ARHGAP40: variants seen among roughly 807,000 people sequenced by gnomAD.
ARHGAP40 encodes the protein rho GTPase-activating protein 40.
A neutral mutation model predicts 73.5 loss-of-function variants in ARHGAP40; 43 were observed. That is an observed-to-expected ratio of 0.58 (90% CI 0.46 to 0.75). ARHGAP40 has a LOEUF of 0.75. Ranked by LOEUF, ARHGAP40 falls within the 30% of genes least tolerant of loss-of-function variation. The pLI is 0.00. For missense variants in ARHGAP40, 734 were observed against 861.8 expected (o/e 0.85, Z 1.86); for synonymous variants, 300 against 352.8 (o/e 0.85, Z 1.68).
chr20:38,604,478 C>G (rs1162993982), intron 1 of ARHGAP40, among the ~76,000 whole-genome samples: 3 of 151,652 alleles, frequency 2.0e-5, no homozygotes, highest in African/African-American at 7.3e-5. Context: ...TCACTGCAAC[C>G]TCCGCCTCCC....
exon 2 of ARHGAP40, chr20:38,623,395 C>A: frequency 7.7e-7 from 1 of 1,290,830 alleles, no homozygotes; most frequent in Non-Finnish European, 1.0e-6. Context: ...ATCAGCTTCC[C>A]CAGAAGAATC....
chr20:38,635,317 G>A (rs888410032), intron 6 of ARHGAP40, among the ~76,000 whole-genome samples: 5 of 152,150 alleles, frequency 3.3e-5, no homozygotes, highest in African/African-American at 1.2e-4. Flanking sequence ...AGCACTTTTA[G>A]TGTATTATCT....
rs775550813 is a variant in ARHGAP40, at chr20:38,639,224, T to A, written c.1120-3T>A. ...TGTGTTTTCATGCCCCGCCTTCCTG[T>A]AGGGGCTGGAACAGAAACTGGAGAG... is the stretch of plus-strand genomic sequence containing the variant. On this transcript the variant is annotated splice_polypyrimidine_tract_variant and splice_region_variant and intron_variant, in intron 8 of 14. Transcript: ENST00000373345. 7.7e-7 allele frequency: 1 copy of A among 1,305,258 alleles called. No individual in the cohort carries two copies. Among genetic ancestry groups the A allele is most frequent in the Non-Finnish European group, 1.0e-6 (1 of 988,784 alleles). The allele number at this position is 1,305,258 out of a possible 1,614,324, so 80.9% of individuals were successfully genotyped here. A position where few individuals can be genotyped will look rare whatever the true frequency, so the allele number is the denominator to read the frequency against.
At chr20:38,634,566 A>C (rs745840271) in intron 5 of ARHGAP40, 54 bp from the exon 6 acceptor site, 14 of 1,296,800 alleles carry the variant, frequency 1.1e-5, no homozygotes, top group African/African-American at 1.5e-5. Context: ...GCCCCAAAAT[A>C]CACATCAGAC....
Position 38,641,716 on chromosome 20 carries a change from C to T in ARHGAP40, c.1280-10C>T, listed in dbSNP as rs1287502857. 1.5e-6 allele frequency: 2 copies of T among 1,295,560 alleles called. No homozygotes were observed. Among genetic ancestry groups the T allele is most frequent in the East Asian group, 5.9e-5 (1 of 16,942 alleles). 80.3% of individuals were successfully genotyped at this position (1,295,560 alleles called of 1,614,324 possible). ...CTCCCATGGAGACTGAGGTCCCTCC[C>T]TTCCCGCAGACATCCCCAACCTGAA... is the stretch of plus-strand genomic sequence containing the variant. On this transcript the variant is annotated splice_polypyrimidine_tract_variant and intron_variant, in intron 9 of 14. Transcript: ENST00000373345.
Position 38,629,471 on chromosome 20 carries a change from C to T in ARHGAP40, c.635-31C>T, listed in dbSNP as rs747046721. The T allele has an allele frequency of 6.9e-6, 9 of 1,304,754 alleles. 1 individual carries two copies. In the South Asian group the frequency reaches 8.6e-5, roughly 13 times the overall value. 80.8% of individuals were successfully genotyped at this position (1,304,754 alleles called of 1,614,324 possible). Reference sequence around the variant, plus strand: ...CTTCCTGGCAGCCAGTTCTCACTGCCTTTCTCTGCTTTGTTTCCCCCGCCC... The same window carrying T: ...CTTCCTGGCAGCCAGTTCTCACTGCTTTTCTCTGCTTTGTTTCCCCCGCCC... On this transcript the variant is annotated intron_variant, in intron 4 of 14. Coordinates refer to ENST00000373345, the Ensembl canonical transcript of ARHGAP40.
At chr20:38,623,046 T>C (rs1702048750) in intron 1 of ARHGAP40, among the ~76,000 whole-genome samples, 2 of 152,166 alleles carry the variant, frequency 1.3e-5, no homozygotes, top group African/African-American at 4.8e-5. Context: ...CCTGTCCTGG[T>C]GTTTAATCCC....
chr20:38,634,826 C>T, intron 6 of ARHGAP40, 41 bp downstream of exon 6: 2 of 1,223,360 alleles, frequency 1.6e-6, no homozygotes, highest in Non-Finnish European at 2.1e-6. Context: ...TGGCCACAGT[C>T]CTCATAGGGA....
intron 1 of ARHGAP40, among the ~76,000 whole-genome samples, chr20:38,619,413 T>C (rs937595370): frequency 6.6e-6 from 1 of 151,596 alleles, no homozygotes; most frequent in African/African-American, 2.4e-5. Flanking sequence ...GGTTCAGAAG[T>C]TGGTGGATAG....
chr20:38,607,266 T>C (rs895022225), intron 1 of ARHGAP40, among the ~76,000 whole-genome samples: 6 of 152,176 alleles, frequency 3.9e-5, no homozygotes, highest in Non-Finnish European at 7.3e-5. Flanking sequence ...GAAAGTTCCT[T>C]CATTTCTCTG....
At chr20:38,626,857 T>A in intron 2 of ARHGAP40, 138 bp from the exon 3 acceptor site, 2 of 516,932 alleles carry the variant, frequency 3.9e-6, no homozygotes, top group Non-Finnish European at 6.3e-6. Flanking sequence ...GTCTGGTTGG[T>A]GTTAATAGGT....
intron 1 of ARHGAP40, chr20:38,615,337 C>T (rs932472824): frequency 3.8e-5 from 29 of 770,492 alleles, no homozygotes; most frequent in Admixed American, 2.6e-4. Context: ...TTGCCAGCCA[C>T]GGGGGTACTT....
Position 38,643,926 on chromosome 20 carries a change from C to G in ARHGAP40, c.1569+16C>G, listed in dbSNP as rs377566567. The G allele has an allele frequency of 1.3e-4, 171 of 1,282,936 alleles. No individual in the cohort carries two copies. Among genetic ancestry groups the G allele is most frequent in the Non-Finnish European group, 1.6e-4 (152 of 976,286 alleles). 79.5% of individuals were successfully genotyped at this position (1,282,936 alleles called of 1,614,324 possible). On this transcript the variant is annotated intron_variant, in intron 11 of 14. Coordinates refer to ENST00000373345, the Ensembl canonical transcript of ARHGAP40. ...GCTGTGGACGGTGAGTGCTGCTGGG[C>G]GCTGGGTATCCCTCTGGGTGCAGCT...
intron 1 of ARHGAP40, among the ~76,000 whole-genome samples, chr20:38,622,972 G>A (rs553495242): frequency 4.6e-5 from 7 of 152,324 alleles, no homozygotes; most frequent in Admixed American, 4.6e-4. Context: ...GAGGGAAGGA[G>A]ACAGGAGACT....
intron 5 of ARHGAP40, among the ~76,000 whole-genome samples, chr20:38,630,143 C>CTACT (rs2088929401): frequency 7.5e-6 from 1 of 132,740 alleles, no homozygotes. Flanking sequence ...TTTCTCCTCC[C>CTACT]TCCTTCCCTC....
Position 38,617,201 on chromosome 20 carries a change from C to A in ARHGAP40, c.138-6158C>A, listed in dbSNP as rs747535126. Among the ~76,000 whole-genome samples the A allele has an allele frequency of 3.3e-5, 5 of 152,190 alleles. No homozygotes were observed. The East Asian group carries it at 7.7e-4, about 24-fold the overall frequency. On this transcript the variant is annotated intron_variant, in intron 1 of 14. Coordinates refer to ENST00000373345, the Ensembl canonical transcript of ARHGAP40. ...AGAGGAGGCTCAGCCACACCTCCACCGACTCATCCCGATGGCCCGCATTCT... is the reference window on the plus strand; with the variant it reads ...AGAGGAGGCTCAGCCACACCTCCACAGACTCATCCCGATGGCCCGCATTCT...
In ARHGAP40 at chr20:38,618,787, T is replaced by G. The variant is rs144712822; in HGVS notation, c.138-4572T>G. On this transcript the variant is annotated intron_variant, in intron 1 of 14. Coordinates refer to ENST00000373345, the Ensembl canonical transcript of ARHGAP40. Reference sequence around the variant, plus strand: ...GCAAGCAGAGAGTGAGAGAGCCAGGTGGGATCAGCTTGGTCACTATGACCA... The same window carrying G: ...GCAAGCAGAGAGTGAGAGAGCCAGGGGGGATCAGCTTGGTCACTATGACCA... 4.3e-3 allele frequency among the ~76,000 whole-genome samples: 655 copies of G among 152,132 alleles called. 4 individuals carry two copies. Among genetic ancestry groups the G allele is most frequent in the African/African-American group, 0.015 (626 of 41,526 alleles).
intron 3 of ARHGAP40, among the ~76,000 whole-genome samples, chr20:38,627,604 GGTGT>G (rs1217788745): frequency 1.1e-5 from 1 of 89,466 alleles, no homozygotes; most frequent in Non-Finnish European, 2.5e-5. Context: ...GGTGTGCGTT[GGTGT>G]GTGTGTGTTG....
At chr20:38,637,889 G>A (rs2088987110) in intron 7 of ARHGAP40, 90 bp downstream of exon 7, 3 of 1,037,526 alleles carry the variant, frequency 2.9e-6, no homozygotes, top group Admixed American at 3.3e-5. Context: ...GCAAAGGGGT[G>A]AAAGGATGTG....
Sources: gnomAD v4.1 joint callset for allele counts (sites outside exome capture counted in the v4.1 genomes callset) on GRCh38, gnomAD v4.1.1 for gene constraint, MANE v1.5 for transcripts, NCBI Gene and HGNC (gene_info 2026-07-23, HGNC 2026-07-21) for gene names.